Variants in PRDM5 observed in about 807,000 individuals in gnomAD.
PRDM5 encodes PR domain zinc finger protein 5.
A neutral mutation model predicts 81.2 loss-of-function variants in PRDM5; 56 were observed. The observed-to-expected ratio is 0.69, with a 90% CI of 0.56 to 0.86. PRDM5 has a LOEUF of 0.86. Ranked by LOEUF, PRDM5 falls within the 40% of genes least tolerant of loss-of-function variation. The pLI is 0.00. For synonymous variants in PRDM5, 267 were observed against 256.4 expected, an observed-to-expected ratio of 1.04 and a Z score of -0.39; for missense variants, 697 against 770.1, an observed-to-expected ratio of 0.91 and a Z score of 1.12.
intron 1 of PRDM5, among the ~76,000 whole-genome samples, chr4:120,911,240 T>C (rs1766472848): frequency 6.6e-6 from 1 of 152,214 alleles, no homozygotes; most frequent in Non-Finnish European, 1.5e-5. Context: ...GCCAGATATA[T>C]ACATGATTTT....
rs540247257 is a variant in PRDM5, at chr4:120,706,416, G to A, written c.1728+3893C>T. Reference sequence around the variant, plus strand: ...TGTCCAACATGAGGCTCAGATATGTGATTTGGGTTATTTGGGGATGGTACA... The same window carrying A: ...TGTCCAACATGAGGCTCAGATATGTAATTTGGGTTATTTGGGGATGGTACA... On this transcript the variant is annotated intron_variant, in intron 15 of 15. Transcript: ENST00000264808. Among the ~76,000 whole-genome samples the A allele has an allele frequency of 1.6e-4, 25 of 152,216 alleles. 1 individual carries two copies. In the South Asian group the frequency reaches 5.0e-3, roughly 30 times the overall value.
chr4:120,807,934 G>A (rs1457069848), intron 8 of PRDM5, among the ~76,000 whole-genome samples: 6 of 152,140 alleles, frequency 3.9e-5, no homozygotes, highest in African/African-American at 1.2e-4. Flanking sequence ...GACCTTCGCG[G>A]TGAGTGTTAC....
At chr4:120,742,136 G>A (rs1742116158) in intron 14 of PRDM5, among the ~76,000 whole-genome samples, 1 of 152,224 alleles carries the variant, frequency 6.6e-6, no homozygotes. Flanking sequence ...CCCCCGAGCA[G>A]CCTAACTGGG....
chr4:120,834,708 G>A (rs540422529), intron 3 of PRDM5, among the ~76,000 whole-genome samples: 1 of 152,104 alleles, frequency 6.6e-6, no homozygotes, highest in Non-Finnish European at 1.5e-5. Flanking sequence ...CAGTAAAGCA[G>A]ATTACCCTAA....
At chr4:120,835,437 G>A (rs1464991896) in intron 3 of PRDM5, among the ~76,000 whole-genome samples, 1 of 152,170 alleles carries the variant, frequency 6.6e-6, no homozygotes, top group Non-Finnish European at 1.5e-5. Flanking sequence ...AAGGAGATAT[G>A]GTTTGGTTGT....
chr4:120,922,683 G>A lies in PRDM5; in HGVS notation c.-75C>T. Reference sequence around the variant, plus strand: ...CCGGCAGGCGGCACATCGAAATTTGGGGTGCCAGGGTAGAGGGGAGAAACC... The same window carrying A: ...CCGGCAGGCGGCACATCGAAATTTGAGGTGCCAGGGTAGAGGGGAGAAACC... On this transcript the variant is annotated 5_prime_UTR_variant, in exon 1 of 16. Coordinates refer to ENST00000264808, the MANE Select transcript of PRDM5 (RefSeq NM_018699.4). 1 of 1,538,156 alleles carries A rather than the reference G, an allele frequency of 6.5e-7. No homozygotes were observed. The highest frequency in any genetic ancestry group is 2.4e-5 in the East Asian group (1 of 41,042).
At chr4:120,708,660 A>G (rs1355983181) in intron 15 of PRDM5, among the ~76,000 whole-genome samples, 2 of 152,140 alleles carry the variant, frequency 1.3e-5, no homozygotes, top group Admixed American at 6.6e-5. Context: ...ATTTAAAAAA[A>G]TGCAGCACCT....
chr4:120,769,463 T>TA (rs1746912136), intron 13 of PRDM5, among the ~76,000 whole-genome samples: 1 of 152,108 alleles, frequency 6.6e-6, no homozygotes, highest in South Asian at 2.1e-4. Context: ...AGAAGGCCAG[T>TA]AAGCAGCCTG....
chr4:120,715,218 T>C (rs749702266), intron 14 of PRDM5, among the ~76,000 whole-genome samples: 1 of 152,200 alleles, frequency 6.6e-6, no homozygotes, highest in African/African-American at 2.4e-5. Flanking sequence ...TTTTTGTTCA[T>C]TGAATCCTGA....
intron 2 of PRDM5, among the ~76,000 whole-genome samples, chr4:120,906,346 T>TACAGGTTTA (rs1765788260): frequency 6.6e-6 from 1 of 152,134 alleles, no homozygotes. Flanking sequence ...TAACATGCTG[T>TACAGGTTTA]ACAGGTTTAC....
chr4:120,861,897 G>A (rs953764934), intron 2 of PRDM5, among the ~76,000 whole-genome samples: 6 of 152,054 alleles, frequency 3.9e-5, no homozygotes, highest in South Asian at 2.1e-4. Context: ...AGAACATCAT[G>A]TAATCCACAG....
At chr4:120,882,091 G>T (rs557223275) in intron 2 of PRDM5, among the ~76,000 whole-genome samples, 1 of 152,300 alleles carries the variant, frequency 6.6e-6, no homozygotes, top group African/African-American at 2.4e-5. Context: ...GCTCAGCGGG[G>T]TCCTAAGCAA....
chr4:120,819,117 A>C (rs563176636), intron 4 of PRDM5, among the ~76,000 whole-genome samples: 1 of 152,358 alleles, frequency 6.6e-6, no homozygotes, highest in South Asian at 2.1e-4. Context: ...AAAATAAAAA[A>C]CACCAATAAT....
At chr4:120,786,221 T>C (rs1203456536) in intron 10 of PRDM5, among the ~76,000 whole-genome samples, 2 of 152,144 alleles carry the variant, frequency 1.3e-5, no homozygotes, top group Non-Finnish European at 2.9e-5. Flanking sequence ...ACAAGCATAA[T>C]CTATTAGCAT....
intron 13 of PRDM5, among the ~76,000 whole-genome samples, chr4:120,764,684 C>A (rs2149189316): frequency 6.6e-6 from 1 of 152,168 alleles, no homozygotes; most frequent in Non-Finnish European, 1.5e-5. Context: ...TAAAAACATG[C>A]AGTTCAAGAC....
chr4:120,813,327 A>C (rs573083546), intron 7 of PRDM5, among the ~76,000 whole-genome samples: 17 of 152,320 alleles, frequency 1.1e-4, no homozygotes, highest in Admixed American at 4.6e-4. Context: ...ATATAGTATA[A>C]TGAATCACCA....
chr4:120,744,633 T>C (rs946323431), intron 14 of PRDM5, among the ~76,000 whole-genome samples: 1 of 151,854 alleles, frequency 6.6e-6, no homozygotes, highest in Non-Finnish European at 1.5e-5. Context: ...CAAACTACCA[T>C]CAGAGAATAC....
intron 1 of PRDM5, among the ~76,000 whole-genome samples, chr4:120,686,226 T>C (rs1271954687): frequency 1.3e-5 from 2 of 152,020 alleles, no homozygotes. Flanking sequence ...TTATAGGTAA[T>C]ACCTGAGACC....
chr4:120,752,468 T>A (rs1466973466), intron 14 of PRDM5, among the ~76,000 whole-genome samples: 1 of 152,194 alleles, frequency 6.6e-6, no homozygotes, highest in Non-Finnish European at 1.5e-5. Context: ...AGTCAAAGCC[T>A]AGAATTTGTT....
Sources: gnomAD v4.1 joint callset for allele counts (sites outside exome capture counted in the v4.1 genomes callset) on GRCh38, gnomAD v4.1.1 for gene constraint, MANE v1.5 for transcripts, NCBI Gene and HGNC (gene_info 2026-07-23, HGNC 2026-07-21) for gene names.